The following NEDD4 variants were observed in gnomAD, a reference collection of about 807,000 sequenced individuals.
The protein encoded by NEDD4 is E3 ubiquitin-protein ligase NEDD4.
NEDD4 carries 99 observed loss-of-function variants against 144.9 expected under a neutral mutation model. The observed-to-expected ratio is 0.68, with a 90% CI of 0.58 to 0.81. NEDD4 has a LOEUF of 0.81. NEDD4 is among the 30% of genes least tolerant of loss of function. The pLI, the probability that NEDD4 is intolerant of heterozygous loss-of-function variation, is 0.00. For synonymous variants in NEDD4, 318 were observed against 350.6 expected (o/e 0.91, Z 1.04); for missense variants, 985 against 1,065.9 (o/e 0.92, Z 1.06).
chr15:55,890,669 T>C (rs775108095), intron 5 of NEDD4, among the ~76,000 whole-genome samples: 1 of 152,238 alleles, frequency 6.6e-6, no homozygotes. Context: ...TACGAACATA[T>C]GTTTTCATTT....
At chr15:55,952,247 T>C (rs541661174) in intron 2 of NEDD4, among the ~76,000 whole-genome samples, 2 of 151,598 alleles carry the variant, frequency 1.3e-5, no homozygotes, top group Non-Finnish European at 2.9e-5. Flanking sequence ...GGCAGGAGAA[T>C]GGCATGAACC....
At chr15:55,940,991 A>G (rs574542209) in intron 4 of NEDD4, among the ~76,000 whole-genome samples, 2 of 152,282 alleles carry the variant, frequency 1.3e-5, no homozygotes, top group South Asian at 2.1e-4. Flanking sequence ...ATTTTGGCTT[A>G]TAAGAATTTA....
intron 9 of NEDD4, among the ~76,000 whole-genome samples, chr15:55,861,432 T>C (rs1188669349): frequency 6.6e-6 from 1 of 152,034 alleles, no homozygotes; most frequent in East Asian, 1.9e-4. Context: ...GGTTAATGAG[T>C]ATTAAAAAAA....
intron 4 of NEDD4, among the ~76,000 whole-genome samples, chr15:55,945,952 G>T (rs189551735): frequency 6.6e-6 from 1 of 152,078 alleles, no homozygotes; most frequent in East Asian, 1.9e-4. Context: ...TTATAGACAA[G>T]CTGAGAGATT....
intron 5 of NEDD4, among the ~76,000 whole-genome samples, chr15:55,882,318 C>T (rs1257798373): frequency 2.0e-5 from 3 of 152,178 alleles, no homozygotes; most frequent in African/African-American, 7.2e-5. Flanking sequence ...CCCCCTCCAT[C>T]CCCTGGCAGT....
chr15:55,945,523 C>G (rs558532520), intron 4 of NEDD4, among the ~76,000 whole-genome samples: 1 of 151,524 alleles, frequency 6.6e-6, no homozygotes, highest in South Asian at 2.1e-4. Context: ...GTGAAAAGAC[C>G]AACTCTATGT....
chr15:55,873,444 G>A (rs76851035), intron 6 of NEDD4, among the ~76,000 whole-genome samples: 9,471 of 152,052 alleles, frequency 0.062, 372 homozygotes, highest in Admixed American at 0.11. Context: ...TTTTCTACAA[G>A]AGACGCCACT....
intron 1 of NEDD4, among the ~76,000 whole-genome samples, chr15:55,986,274 A>G (rs1181497167): frequency 6.6e-6 from 1 of 152,196 alleles, no homozygotes; most frequent in Non-Finnish European, 1.5e-5. Flanking sequence ...ACTTGACGAG[A>G]AATAGGATAT....
At chr15:55,960,314 T>G (rs1407408970) in intron 2 of NEDD4, among the ~76,000 whole-genome samples, 4 of 152,146 alleles carry the variant, frequency 2.6e-5, no homozygotes, top group Non-Finnish European at 5.9e-5. Flanking sequence ...TCAATCTGGG[T>G]GGGCACCATC....
intron 4 of NEDD4, among the ~76,000 whole-genome samples, chr15:55,947,739 C>A (rs1208955700): frequency 6.6e-6 from 1 of 152,134 alleles, no homozygotes; most frequent in African/African-American, 2.4e-5. Flanking sequence ...AGGCCTTTGA[C>A]AAAATTCAAC....
intron 9 of NEDD4, 115 bp from the exon 10 acceptor site, chr15:55,860,893 G>T: frequency 3.5e-6 from 3 of 860,668 alleles, no homozygotes; most frequent in South Asian, 1.7e-5. Flanking sequence ...AAAATTTATT[G>T]TCTTTGACCA....
chr15:55,964,370 T>C (rs1330373112), intron 2 of NEDD4, among the ~76,000 whole-genome samples: 1 of 152,154 alleles, frequency 6.6e-6, no homozygotes, highest in Non-Finnish European at 1.5e-5. Flanking sequence ...CAATTTCTAC[T>C]GATCTATCTT....
intron 4 of NEDD4, among the ~76,000 whole-genome samples, chr15:55,931,436 T>A (rs1459190941): frequency 1.3e-5 from 2 of 152,176 alleles, no homozygotes; most frequent in African/African-American, 2.4e-5. Context: ...ATTTTTTAAA[T>A]TTATTGAAGA....
chr15:55,966,897 T>G (rs12902173), intron 1 of NEDD4, among the ~76,000 whole-genome samples: 3 of 151,066 alleles, frequency 2.0e-5, no homozygotes, highest in Non-Finnish European at 3.0e-5. Flanking sequence ...TGGCTTTTGG[T>G]TTTTTTTTGA....
chr15:55,926,207 A>G (rs1019949820), intron 4 of NEDD4, among the ~76,000 whole-genome samples: 2 of 152,170 alleles, frequency 1.3e-5, no homozygotes, highest in African/African-American at 4.8e-5. Context: ...ATTGTTTAAC[A>G]TGGAGACCCT....
intron 17 of NEDD4, among the ~76,000 whole-genome samples, chr15:55,847,458 C>T (rs1232624776): frequency 6.6e-6 from 1 of 151,992 alleles, no homozygotes; most frequent in Non-Finnish European, 1.5e-5. Context: ...CATGTTGAGA[C>T]AGTAAATAGT....
At chr15:55,911,899 T>C (rs1301305856) in intron 5 of NEDD4, among the ~76,000 whole-genome samples, 3 of 152,204 alleles carry the variant, frequency 2.0e-5, no homozygotes, top group Non-Finnish European at 4.4e-5. Context: ...ATAGAGACTG[T>C]ATTTTACTCA....
At chr15:55,912,428 T>A (rs2036303822) in intron 5 of NEDD4, among the ~76,000 whole-genome samples, 1 of 152,006 alleles carries the variant, frequency 6.6e-6, no homozygotes, top group South Asian at 2.1e-4. Context: ...AAGTTACATA[T>A]AATGAACAAA....
At chr15:55,904,049 C>A (rs545012742) in intron 5 of NEDD4, among the ~76,000 whole-genome samples, 17 of 151,920 alleles carry the variant, frequency 1.1e-4, no homozygotes, top group Admixed American at 5.9e-4. Flanking sequence ...GTAATCCCAG[C>A]TACTTCGGAG....
Sources: gnomAD v4.1 joint callset for allele counts (sites outside exome capture counted in the v4.1 genomes callset) on GRCh38, gnomAD v4.1.1 for gene constraint, MANE v1.5 for transcripts, NCBI Gene and HGNC (gene_info 2026-07-23, HGNC 2026-07-21) for gene names.